Variants in FAM53A observed in about 807,000 individuals in gnomAD.
FAM53A encodes the protein protein FAM53A.
In FAM53A, 28 loss-of-function variants were observed where a neutral mutation model predicts 26.6. That is an observed-to-expected ratio of 1.05 (90% CI 0.78 to 1.45). FAM53A has a LOEUF of 1.45. Ranked by LOEUF, FAM53A falls within the 40% of genes most tolerant of loss-of-function variation. The pLI, the probability that FAM53A is intolerant of heterozygous loss-of-function variation, is 0.00. For synonymous variants in FAM53A, 290 were observed against 253.1 expected (o/e 1.15, Z -1.38); for missense variants, 650 against 575.8 (o/e 1.13, Z -1.32).
At position 1,655,667 on chromosome 4, in the gene FAM53A, T is replaced by A; in HGVS notation, c.193A>T (p.Thr65Ser). 1 of 1,595,134 alleles carries A rather than the reference T, an allele frequency of 6.3e-7. No homozygotes were observed. The highest frequency in any genetic ancestry group is 1.1e-5 in the South Asian group (1 of 89,200). The stretch of plus-strand genomic sequence containing the variant: ...GGCAGGAAGGAGAAATCAGGGCCCG[T>A]GGCTGCCTGGCTTCTGACGGGCGGT... Reference protein sequence around the residue: ...GGPPVRSQAATGPDFSFLPGL... With the variant: ...GGPPVRSQAASGPDFSFLPGL... Residue 65 changes from threonine (T) to serine (S), a missense_variant, in exon 4 of 5, where the codon ACG becomes TCG. Thr to Ser is a moderately conservative substitution (Grantham distance 58). Coordinates refer to ENST00000308132, the MANE Select transcript of FAM53A (RefSeq NM_001174070.3).
chr4:1,646,442 C>G (rs970394043), intron 4 of FAM53A, among the ~76,000 whole-genome samples: 1 of 152,264 alleles, frequency 6.6e-6, no homozygotes, highest in South Asian at 2.1e-4. Flanking sequence ...TAAGTGACGT[C>G]GTCGGGGGTA....
At chr4:1,658,803 G>A (rs12503308) in intron 2 of FAM53A, among the ~76,000 whole-genome samples, 4,172 of 152,318 alleles carry the variant, frequency 0.027, 175 homozygotes, top group African/African-American at 0.091. Context: ...GGGTCCTGCC[G>A]GGTGCCCGGC....
chr4:1,672,113 TCCA>T (rs1714708257), intron 1 of FAM53A, among the ~76,000 whole-genome samples: 1 of 121,132 alleles, frequency 8.3e-6, no homozygotes, highest in African/African-American at 3.2e-5. Context: ...AACCCACAGA[TCCA>T]GGAACCCAGG....
chr4:1,609,772 G>A, the FAM53A span, among the ~76,000 whole-genome samples: 4 of 152,114 alleles, frequency 2.6e-5, no homozygotes, highest in South Asian at 8.4e-4. Flanking sequence ...AGACCAGCCT[G>A]GCCAATATGG....
chr4:1,637,738 G>A (rs1033040296), downstream of FAM53A, among the ~76,000 whole-genome samples: 1 of 152,130 alleles, frequency 6.6e-6, no homozygotes, highest in African/African-American at 2.4e-5. Flanking sequence ...ACTGAGGAGT[G>A]GCCTCACAGG....
the FAM53A span, among the ~76,000 whole-genome samples, chr4:1,608,457 C>T: frequency 2.0e-5 from 3 of 152,222 alleles, no homozygotes; most frequent in Admixed American, 6.5e-5. Flanking sequence ...GCGCCAGCCA[C>T]GGGTGGAGGC....
At chr4:1,620,594 G>A (rs747500434) in intron 1 of FAM53A, among the ~76,000 whole-genome samples, 1 of 151,934 alleles carries the variant, frequency 6.6e-6, no homozygotes, top group Non-Finnish European at 1.5e-5. Flanking sequence ...GCTGAACCCA[G>A]GAAGTGGAGG....
the FAM53A span, among the ~76,000 whole-genome samples, chr4:1,598,891 G>A: frequency 6.6e-6 from 1 of 152,250 alleles, no homozygotes; most frequent in Non-Finnish European, 1.5e-5. Flanking sequence ...CGTGATAAAT[G>A]TTGGAGTCAT....
downstream of FAM53A, among the ~76,000 whole-genome samples, chr4:1,636,887 G>T (rs892665710): frequency 5.4e-5 from 8 of 148,772 alleles, no homozygotes; most frequent in East Asian, 1.9e-4. Flanking sequence ...CTCTTGCTGG[G>T]GGGGGGTCCC....
At chr4:1,624,315 G>A (rs1180814610) in intron 1 of FAM53A, among the ~76,000 whole-genome samples, 1 of 152,208 alleles carries the variant, frequency 6.6e-6, no homozygotes, top group Non-Finnish European at 1.5e-5. Flanking sequence ...ATGCCCCCAG[G>A]TCAGGCGCTG....
At chr4:1,585,873 C>T in the FAM53A span, among the ~76,000 whole-genome samples, 5 of 151,888 alleles carry the variant, frequency 3.3e-5, no homozygotes, top group East Asian at 1.9e-4. Flanking sequence ...TACAGGAATG[C>T]GCCACCACAC....
At chr4:1,590,365 C>T in the FAM53A span, among the ~76,000 whole-genome samples, 1 of 152,186 alleles carries the variant, frequency 6.6e-6, no homozygotes, top group Non-Finnish European at 1.5e-5. Context: ...CTGTGCCCCA[C>T]ATCTGGACAA....
At chr4:1,607,261 C>T in the FAM53A span, among the ~76,000 whole-genome samples, 13 of 152,038 alleles carry the variant, frequency 8.6e-5, no homozygotes, top group African/African-American at 2.7e-4. Context: ...GCAAGTGATC[C>T]GCCTGCCTCG....
intron 4 of FAM53A, among the ~76,000 whole-genome samples, chr4:1,652,809 ACAC>A (rs1229946562): frequency 6.8e-6 from 1 of 147,596 alleles, no homozygotes; most frequent in Non-Finnish European, 1.5e-5. Flanking sequence ...CACGTCACAC[ACAC>A]ACCACATACT....
At chr4:1,602,190 G>T in the FAM53A span, among the ~76,000 whole-genome samples, 8 of 152,224 alleles carry the variant, frequency 5.3e-5, no homozygotes, top group South Asian at 1.4e-3. Context: ...ATGCAGGGGG[G>T]CCTGGCATAA....
chr4:1,641,660 G>A, intron 4 of FAM53A, 53 bp from the exon 5 acceptor site: 1 of 1,588,402 alleles, frequency 6.3e-7, no homozygotes, highest in Admixed American at 1.7e-5. Flanking sequence ...CACACAGGAG[G>A]CAGCATCCCA....
At position 1,659,471 on chromosome 4, in the gene FAM53A, G is replaced by T. The variant is rs1021166931; in HGVS notation, c.76-2003C>A. 1.3e-5 allele frequency among the ~76,000 whole-genome samples: 2 copies of T among 152,206 alleles called. No individual in the cohort carries two copies. The highest frequency in any genetic ancestry group is 4.8e-5 in the African/African-American group (2 of 41,438). On this transcript the variant is annotated intron_variant, in intron 2 of 4. Transcript: ENST00000308132. This position sits in a 1 kb window ranked among gnomAD's most constrained non-coding sequence, Gnocchi z 5.2. ...AGCAAGGAAAGGACTTTCCCAGCCG[G>T]CACAGATGGCTCTCACGGGCAGCTT...
intron 4 of FAM53A, among the ~76,000 whole-genome samples, chr4:1,646,506 G>A (rs1290209552): frequency 6.6e-6 from 1 of 152,198 alleles, no homozygotes; most frequent in Non-Finnish European, 1.5e-5. Context: ...GGTACCAGGA[G>A]CTGCTCAAAG....
chr4:1,621,906 G>A (rs1560107089), intron 1 of FAM53A, among the ~76,000 whole-genome samples: 1 of 152,178 alleles, frequency 6.6e-6, no homozygotes, highest in African/African-American at 2.4e-5. Flanking sequence ...CACAGTGGTG[G>A]TGTGGGGAGG....
Sources: allele counts gnomAD v4.1 joint callset (sites outside exome capture counted in the v4.1 genomes callset), GRCh38; gene constraint gnomAD v4.1.1; non-coding constraint Gnocchi (gnomAD v3.1); transcripts MANE v1.5; gene names NCBI Gene and HGNC (gene_info 2026-07-23, HGNC 2026-07-21).